The following MTUS2 variants were observed in gnomAD, a reference collection of about 807,000 sequenced individuals.
MTUS2 encodes the protein microtubule associated scaffold protein 2.
A neutral mutation model predicts 114.1 loss-of-function variants in MTUS2; 40 were observed. That is an observed-to-expected ratio of 0.35 (90% CI 0.27 to 0.46). The LOEUF (loss-of-function observed/expected upper bound fraction) is 0.46, where lower values mean the gene tolerates loss of function less well. Ranked by LOEUF, MTUS2 falls within the 20% of genes least tolerant of loss-of-function variation. MTUS2 has a pLI of 1.00. For synonymous variants in MTUS2, 688 were observed against 672.0 expected (o/e 1.02, Z -0.37); for missense variants, 1,679 against 1,705.4 (o/e 0.98, Z 0.27).
chr13:29,052,736 C>G (rs1887960736), intron 4 of MTUS2, among the ~76,000 whole-genome samples: 1 of 152,138 alleles, frequency 6.6e-6, no homozygotes. Flanking sequence ...AACTTGTATA[C>G]AGAATTATTT....
intron 8 of MTUS2, among the ~76,000 whole-genome samples, chr13:29,378,554 C>T (rs1871939189): frequency 6.6e-6 from 1 of 152,030 alleles, no homozygotes; most frequent in African/African-American, 2.4e-5. Flanking sequence ...TTAAGATGGC[C>T]CAGAGCTCGG....
At chr13:29,310,181 C>A (rs1899688052) in intron 6 of MTUS2, among the ~76,000 whole-genome samples, 1 of 152,172 alleles carries the variant, frequency 6.6e-6, no homozygotes, top group Non-Finnish European at 1.5e-5. Flanking sequence ...TTTATTCTCA[C>A]AATAACCTTG....
intron 2 of MTUS2, among the ~76,000 whole-genome samples, chr13:28,875,414 A>T (rs996578829): frequency 6.6e-6 from 1 of 152,250 alleles, no homozygotes; most frequent in Non-Finnish European, 1.5e-5. Context: ...CTCCAAACTT[A>T]GATAAAGTGG....
At chr13:29,169,420 A>G (rs986133365) in intron 5 of MTUS2, among the ~76,000 whole-genome samples, 1 of 152,164 alleles carries the variant, frequency 6.6e-6, no homozygotes, top group South Asian at 2.1e-4. Context: ...TGTGTGATTC[A>G]TTCTTTTTTG....
intron 2 of MTUS2, among the ~76,000 whole-genome samples, chr13:28,919,345 A>C (rs3011030): frequency 0.13 from 19,356 of 152,052 alleles, 1,475 homozygotes; most frequent in African/African-American, 0.2. Flanking sequence ...CAGATATACT[A>C]TTGTAGGGTA....
chr13:29,424,689 C>A (rs1005953964), intron 8 of MTUS2, among the ~76,000 whole-genome samples: 1 of 152,098 alleles, frequency 6.6e-6, no homozygotes, highest in African/African-American at 2.4e-5. Context: ...TGAATCTAAC[C>A]CAGATTTGAG....
At chr13:29,145,071 T>C (rs1370392536) in intron 5 of MTUS2, among the ~76,000 whole-genome samples, 1 of 152,252 alleles carries the variant, frequency 6.6e-6, no homozygotes, top group Non-Finnish European at 1.5e-5. Flanking sequence ...CTGCCAGGGC[T>C]GCCCTTATTA....
At chr13:28,961,291 C>G (rs546343150) in intron 2 of MTUS2, among the ~76,000 whole-genome samples, 86 of 152,204 alleles carry the variant, frequency 5.7e-4, no homozygotes, top group African/African-American at 2.0e-3. Flanking sequence ...CCGAGAGAAT[C>G]TGGAACAGGA....
At chr13:29,345,217 G>C (rs1868547689) in intron 7 of MTUS2, among the ~76,000 whole-genome samples, 1 of 152,148 alleles carries the variant, frequency 6.6e-6, no homozygotes, top group Admixed American at 6.5e-5. Flanking sequence ...AGCAAGGCCA[G>C]AGAAGTTTTC....
intron 5 of MTUS2, among the ~76,000 whole-genome samples, chr13:29,182,107 A>G (rs1894031002): frequency 6.6e-6 from 1 of 152,154 alleles, no homozygotes; most frequent in Non-Finnish European, 1.5e-5. Context: ...TTCCTAGTCC[A>G]ATATTTCTGA....
intron 5 of MTUS2, among the ~76,000 whole-genome samples, chr13:29,226,848 C>T (rs1896125416): frequency 6.6e-6 from 1 of 152,104 alleles, no homozygotes; most frequent in South Asian, 2.1e-4. Context: ...AAAATTAAGC[C>T]ATTGTAAAGA....
At chr13:29,215,644 G>T (rs1161118737) in intron 5 of MTUS2, among the ~76,000 whole-genome samples, 4 of 151,980 alleles carry the variant, frequency 2.6e-5, no homozygotes, top group Non-Finnish European at 4.4e-5. Flanking sequence ...TCTATTGCTG[G>T]TCTGCTGGAA....
intron 5 of MTUS2, among the ~76,000 whole-genome samples, chr13:29,120,771 A>G (rs1044916002): frequency 3.9e-5 from 6 of 152,326 alleles, no homozygotes; most frequent in Non-Finnish European, 5.9e-5. Flanking sequence ...AATTCCCTCT[A>G]TTATTGAATT....
At chr13:29,311,719 A>G (rs927197618) in intron 6 of MTUS2, among the ~76,000 whole-genome samples, 1 of 152,146 alleles carries the variant, frequency 6.6e-6, no homozygotes, top group African/African-American at 2.4e-5. Context: ...TTTACTTTCT[A>G]TTTGTTTATT....
At chr13:28,956,943 T>C (rs1333511304) in intron 2 of MTUS2, among the ~76,000 whole-genome samples, 1 of 105,734 alleles carries the variant, frequency 9.5e-6, no homozygotes, top group Non-Finnish European at 2.0e-5. Context: ...GGGAAGGAAG[T>C]GTTGGGGGAC....
At chr13:29,422,801 T>G (rs1398967142) in intron 8 of MTUS2, among the ~76,000 whole-genome samples, 1 of 151,912 alleles carries the variant, frequency 6.6e-6, no homozygotes, top group East Asian at 1.9e-4. Flanking sequence ...GTAGCTAGGA[T>G]TACAATTTTT....
At chr13:29,412,478 C>T (rs946673943) in intron 8 of MTUS2, among the ~76,000 whole-genome samples, 5 of 152,164 alleles carry the variant, frequency 3.3e-5, no homozygotes, top group Non-Finnish European at 7.4e-5. Context: ...TGCTATTATA[C>T]AGTCGTTTGC....
chr13:29,289,969 A>G (rs1420644724), intron 6 of MTUS2, among the ~76,000 whole-genome samples: 1 of 152,102 alleles, frequency 6.6e-6, no homozygotes, highest in Non-Finnish European at 1.5e-5. Flanking sequence ...TCTGCCCATG[A>G]TCAAATTTCT....
intron 14 of MTUS2, among the ~76,000 whole-genome samples, chr13:29,498,782 G>A (rs1417157765): frequency 1.3e-5 from 2 of 152,178 alleles, no homozygotes; most frequent in Non-Finnish European, 2.9e-5. Context: ...GCTTCGCCCT[G>A]GTTTTCCCAC....
Sources: allele counts gnomAD v4.1 joint callset (sites outside exome capture counted in the v4.1 genomes callset), GRCh38; gene constraint gnomAD v4.1.1; transcripts MANE v1.5; gene names NCBI Gene and HGNC (gene_info 2026-07-23, HGNC 2026-07-21).